Variants in UCHL1 observed in about 807,000 individuals in gnomAD.
UCHL1 encodes ubiquitin C-terminal hydrolase L1.
Under a neutral mutation model 33.3 loss-of-function variants are expected in UCHL1, and 5 were observed. The observed-to-expected ratio is 0.15, with a 90% confidence interval of 0.08 to 0.32. UCHL1 has a LOEUF of 0.32. UCHL1 is among the 10% of genes least tolerant of loss of function. UCHL1 has a pLI of 1.00. For missense variants in UCHL1, 236 were observed against 280.0 expected, an observed-to-expected ratio of 0.84 and a Z score of 1.12; for synonymous variants, 132 against 108.8, an observed-to-expected ratio of 1.21 and a Z score of -1.33.
chr4:41,266,901 C>T (rs1042179314), intron 8 of UCHL1, among the ~76,000 whole-genome samples: 2 of 152,142 alleles, frequency 1.3e-5, no homozygotes, highest in African/African-American at 4.8e-5. Flanking sequence ...CTGTGTCTGG[C>T]CCAAACTCAT....
rs1421231739 is a variant in UCHL1, at chr4:41,256,971, G to C, written c.-6G>C. The C allele has an allele frequency of 1.2e-6, 2 of 1,614,180 alleles. No homozygotes were observed. Among genetic ancestry groups the C allele is most frequent in the African/African-American group, 2.7e-5 (2 of 75,074 alleles). On this transcript the variant is annotated 5_prime_UTR_variant, in exon 1 of 9. Coordinates refer to ENST00000284440, the MANE Select transcript of UCHL1 (RefSeq NM_004181.5). ...CTAGGCTATTTCTGCCGGGCGCTCC[G>C]CGAAGATGCAGCTCAAGCCGATGGA...
At chr4:41,257,460 G>C (rs955752700) in intron 2 of UCHL1, 149 bp from the exon 3 acceptor site, 4 of 1,133,778 alleles carry the variant, frequency 3.5e-6, no homozygotes, top group Non-Finnish European at 4.6e-6. Flanking sequence ...CATTGCGCCG[G>C]CCCGGGTGGG....
chr4:41,260,907 G>A, intron 4 of UCHL1, 110 bp downstream of exon 4: 1 of 1,461,770 alleles, frequency 6.8e-7, no homozygotes, highest in East Asian at 2.3e-5. Context: ...AAACCATTTT[G>A]TAATGATGGT....
intron 2 of UCHL1, 126 bp downstream of exon 2, chr4:41,257,252 G>T: frequency 6.9e-7 from 1 of 1,454,890 alleles, no homozygotes; most frequent in East Asian, 2.4e-5. Flanking sequence ...GGCCGGGCTG[G>T]GGCGTGGGCT....
Position 41,268,020 on chromosome 4 carries a change from C to T in UCHL1, c.619C>T (p.Arg207Cys). Residue 207 changes from arginine (R) to cysteine (C), a missense_variant, in exon 9 of 9, where the codon CGT (arginine) becomes TGT (cysteine). Coordinates refer to ENST00000284440, the MANE Select transcript of UCHL1 (RefSeq NM_004181.5). The part of the protein sequence containing the change: ...AAKVCREFTE[R>C]EQGEVRFSAV... ...CAAGGTCTGCAGAGAATTCACCGAG[C>T]GTGAGCAAGGAGAAGTCCGCTTCTC... 1 of 1,613,638 alleles carries T rather than the reference C, an allele frequency of 6.2e-7. No homozygotes were observed. Among genetic ancestry groups the T allele is most frequent in the East Asian group, 2.2e-5 (1 of 44,886 alleles).
intron 8 of UCHL1, 38 bp from the exon 9 acceptor site, chr4:41,267,949 C>T (rs1170081522): frequency 6.3e-7 from 1 of 1,583,814 alleles, no homozygotes; most frequent in Non-Finnish European, 8.6e-7. Context: ...ATTTTGAGCT[C>T]TTGCTGTTTG....
chr4:41,264,206 T>C, intron 8 of UCHL1, 45 bp downstream of exon 8: 1 of 1,612,682 alleles, frequency 6.2e-7, no homozygotes, highest in Non-Finnish European at 8.5e-7. Context: ...TCACAATTCT[T>C]TGGCTAAATT....
rs1580922782 is a variant in UCHL1 at position 41,257,489 on chromosome 4, G to C, written c.46-120G>C. On this transcript the variant is annotated intron_variant, in intron 2 of 8. Coordinates refer to ENST00000284440, the MANE Select transcript of UCHL1 (RefSeq NM_004181.5). ...GGGTGGGGGTGGCAGGGCGGGACTGGGGCTCCTCCCAGGCTCGGGTGCGGG... is the reference window on the plus strand; with the variant it reads ...GGGTGGGGGTGGCAGGGCGGGACTGCGGCTCCTCCCAGGCTCGGGTGCGGG... 1.2e-5 allele frequency: 15 copies of C among 1,298,246 alleles called. No homozygotes were observed. The African/African-American group carries it at 1.7e-4, about 15-fold the overall frequency. The allele number at this position is 1,298,246 out of a possible 1,614,324, so 80.4% of individuals were successfully genotyped here. A position where few individuals can be genotyped will look rare whatever the true frequency, so the allele number is the denominator to read the frequency against.
chr4:41,264,866 C>G (rs1460501454), intron 8 of UCHL1, among the ~76,000 whole-genome samples: 61 of 152,148 alleles, frequency 4.0e-4, no homozygotes, highest in Admixed American at 4.0e-3. Flanking sequence ...ATACAAACTG[C>G]TATTAAGATA....
Position 41,257,602 on chromosome 4 carries a change from T to C in UCHL1, c.46-7T>C. 1.3e-6 allele frequency: 2 copies of C among 1,528,320 alleles called. No individual in the cohort carries two copies. The highest frequency in any genetic ancestry group is 1.7e-6 in the Non-Finnish European group (2 of 1,144,886). 94.7% of individuals were successfully genotyped at this position (1,528,320 alleles called of 1,614,324 possible). A position where few individuals can be genotyped will look rare whatever the true frequency, so the allele number is the denominator to read the frequency against. On this transcript the variant is annotated splice_region_variant and splice_polypyrimidine_tract_variant and intron_variant, in intron 2 of 8. Transcript: ENST00000284440. Reference sequence around the variant, plus strand: ...GTGCGCCTGGCCGCCTTGTCTCCTCTCCGCAGGTGCTGTCCCGGCTGGGGG... The same window carrying C: ...GTGCGCCTGGCCGCCTTGTCTCCTCCCCGCAGGTGCTGTCCCGGCTGGGGG...
At chr4:41,265,921 T>A (rs576443661) in intron 8 of UCHL1, among the ~76,000 whole-genome samples, 5 of 152,344 alleles carry the variant, frequency 3.3e-5, no homozygotes, top group African/African-American at 1.2e-4. Flanking sequence ...CAGGCAGAAT[T>A]TCTGGTCTTT....
chr4:41,258,586 C>G lies in UCHL1; in HGVS notation c.174+849C>G, dbSNP rs1049975772. ...TCATTAGCGCATGGCATTGTCTTAT[C>G]TCCTATTGCTGTCACTTGACCGCTG... On this transcript the variant is annotated intron_variant, in intron 3 of 8. Coordinates refer to ENST00000284440, the MANE Select transcript of UCHL1 (RefSeq NM_004181.5). Among the ~76,000 whole-genome samples the G allele has an allele frequency of 2.0e-5, 3 of 152,196 alleles. No homozygotes were observed. The East Asian group carries it at 5.8e-4, about 29-fold the overall frequency.
chr4:41,264,791 A>G (rs1405393679), intron 8 of UCHL1, among the ~76,000 whole-genome samples: 1 of 152,236 alleles, frequency 6.6e-6, no homozygotes, highest in Non-Finnish European at 1.5e-5. Flanking sequence ...TTGCTATTAT[A>G]AAGGAAAATT....
chr4:41,266,128 C>T (rs756014042), intron 8 of UCHL1, among the ~76,000 whole-genome samples: 37 of 151,958 alleles, frequency 2.4e-4, no homozygotes, highest in Non-Finnish European at 2.4e-4. Context: ...CACTATGTTG[C>T]CCAGGCTGGT....
chr4:41,268,233 C>A lies in UCHL1; in HGVS notation c.*160C>A. 2.8e-6 allele frequency: 2 copies of A among 705,490 alleles called. No individual in the cohort carries two copies. The highest frequency in any genetic ancestry group is 5.0e-6 in the Non-Finnish European group (2 of 400,500). 43.7% of individuals were successfully genotyped at this position (705,490 alleles called of 1,614,324 possible). A position where few individuals can be genotyped will look rare whatever the true frequency, so the allele number is the denominator to read the frequency against. ...TCAGCCACACCCAGGCACTTAAGCA[C>A]AAGCAGAGTGCACAGCTGTCCACTG... On this transcript the variant is annotated 3_prime_UTR_variant, in exon 9 of 9. Coordinates refer to ENST00000284440, the MANE Select transcript of UCHL1 (RefSeq NM_004181.5).
At chr4:41,260,825 C>T in intron 4 of UCHL1, 28 bp downstream of exon 4, 1 of 1,613,980 alleles carries the variant, frequency 6.2e-7, no homozygotes. Flanking sequence ...GGCCAGCCAT[C>T]CTAAGCTTGA....
At position 41,261,873 on chromosome 4, in the gene UCHL1, C is replaced by T; in HGVS notation, c.412-3C>T. Reference sequence around the variant, plus strand: ...TGTGCTAATTATTTTCTTTTTTCCGCAGGCCATACAGGCAGCCCATGATGC... The same window carrying T: ...TGTGCTAATTATTTTCTTTTTTCCGTAGGCCATACAGGCAGCCCATGATGC... On this transcript the variant is annotated splice_region_variant and splice_polypyrimidine_tract_variant and intron_variant, in intron 5 of 8. Transcript: ENST00000284440. The T allele has an allele frequency of 6.2e-7, 1 of 1,614,074 alleles. No individual in the cohort carries two copies.
chr4:41,257,887 C>G (rs1220208306), intron 3 of UCHL1, 150 bp downstream of exon 3: 16 of 1,249,088 alleles, frequency 1.3e-5, no homozygotes, highest in Non-Finnish European at 1.7e-5. Flanking sequence ...TTTCGTGGTA[C>G]CTACTCCCTG....
Position 41,263,278 on chromosome 4 carries a change from C to T in UCHL1, c.513C>T (p.His171=), listed in dbSNP as rs145093131. 805 of 1,614,058 alleles carry T rather than the reference C, an allele frequency of 5.0e-4. 2 individuals carry two copies. The highest frequency in any genetic ancestry group is 6.1e-4 in the Non-Finnish European group (720 of 1,179,978). ...TTCTGTTTAACAACGTGGATGGCCA[C>T]CTCTATGAACTTGGTATGTTTTACT... ...HFILFNNVDG[H]LYELDGRMPF... The change falls in exon 7 of 9, where the codon CAC becomes CAT. Residue 171 remains histidine (H), a synonymous_variant. Transcript: ENST00000284440.
Sources: allele counts gnomAD v4.1 joint callset (sites outside exome capture counted in the v4.1 genomes callset), GRCh38; gene constraint gnomAD v4.1.1; transcripts MANE v1.5; gene names NCBI Gene and HGNC (gene_info 2026-07-23, HGNC 2026-07-21).